TRAK1: variants seen among roughly 807,000 people sequenced by gnomAD.
TRAK1 encodes the protein trafficking kinesin protein 1, also known as trafficking kinesin-binding protein 1.
In TRAK1, 33 loss-of-function variants were observed where a neutral mutation model predicts 92.1. The observed-to-expected ratio is 0.36, with a 90% CI of 0.27 to 0.48. The LOEUF is 0.48. TRAK1 is among the 20% of genes least tolerant of loss of function. The pLI is 0.99. For missense variants in TRAK1, 1,123 were observed against 1,257.9 expected (o/e 0.89, Z 1.62); for synonymous variants, 521 against 517.3 (o/e 1.01, Z -0.10).
intron 14 of TRAK1, among the ~76,000 whole-genome samples, chr3:42,217,053 C>G (rs546625157): frequency 4.2e-4 from 64 of 151,732 alleles, no homozygotes; most frequent in Non-Finnish European, 7.2e-4. Flanking sequence ...CCCAACCCCC[C>G]TATTTCCTGC....
chr3:42,168,918 G>T (rs1655591329), intron 2 of TRAK1, among the ~76,000 whole-genome samples: 1 of 152,190 alleles, frequency 6.6e-6, no homozygotes, highest in African/African-American at 2.4e-5. Context: ...GTGCCTCCCA[G>T]GTTCAAGCGA....
intron 7 of TRAK1, among the ~76,000 whole-genome samples, chr3:42,191,970 C>T (rs1437944898): frequency 3.1e-5 from 4 of 127,394 alleles, no homozygotes; most frequent in East Asian, 2.6e-4. Context: ...GTTGCGATCT[C>T]GGCTCACTGC....
intron 2 of TRAK1, among the ~76,000 whole-genome samples, chr3:42,169,880 T>C (rs1051824231): frequency 6.6e-6 from 1 of 152,172 alleles, no homozygotes; most frequent in Non-Finnish European, 1.5e-5. Context: ...GCAGAAGAGC[T>C]GACACTTGGA....
intron 1 of TRAK1, among the ~76,000 whole-genome samples, chr3:42,081,722 G>C (rs61341025): frequency 0.071 from 10,874 of 152,228 alleles, 449 homozygotes; most frequent in Middle Eastern, 0.17. Context: ...AACCAAGAAA[G>C]GTGCCAGATT....
chr3:42,160,565 TTTTG>T (rs1429756474), intron 2 of TRAK1: 18 of 1,283,218 alleles, frequency 1.4e-5, no homozygotes, highest in African/African-American at 3.0e-5. Flanking sequence ...ACTGTTTTGT[TTTTG>T]TTTTTTTTTA....
chr3:42,084,253 G>T (rs193234154), upstream of TRAK1, among the ~76,000 whole-genome samples: 1 of 151,448 alleles, frequency 6.6e-6, no homozygotes. Flanking sequence ...TTATAGACTC[G>T]GTATCTGCAT....
chr3:42,189,193 A>G (rs1042633033), intron 6 of TRAK1, 69 bp downstream of exon 6: 27 of 1,226,818 alleles, frequency 2.2e-5, no homozygotes, highest in Non-Finnish European at 3.1e-5. Context: ...TCTGGCAAGG[A>G]CAACCATGGT....
rs367676339 is a variant in TRAK1, at chr3:42,149,138, C to T, written c.286+23524C>T. On this transcript the variant is annotated intron_variant, in intron 2 of 15. Transcript: ENST00000327628. The stretch of plus-strand genomic sequence containing the variant: ...AACGGTTAGATTGAAAGATGAGCGG[C>T]GAGCAGGAGACGAGGCTTGAGTGAG... The T allele has an allele frequency of 3.2e-5, 31 of 971,304 alleles. No homozygotes were observed. In the East Asian group the frequency reaches 1.3e-3, roughly 42 times the overall value. The allele number at this position is 971,304 out of a possible 1,614,324, so 60.2% of individuals were successfully genotyped here.
intron 1 of TRAK1, among the ~76,000 whole-genome samples, chr3:42,054,197 G>A (rs1465040034): frequency 6.6e-6 from 1 of 152,190 alleles, no homozygotes; most frequent in African/African-American, 2.4e-5. Flanking sequence ...GGCTCCTTAT[G>A]TGCTAAGTAC....
At chr3:42,094,796 A>G (rs537055764) in intron 1 of TRAK1, among the ~76,000 whole-genome samples, 21 of 152,350 alleles carry the variant, frequency 1.4e-4, no homozygotes, top group African/African-American at 5.0e-4. Context: ...GAATTGTGTT[A>G]CTTGATGGTG....
chr3:42,126,978 A>G (rs1449043930), intron 2 of TRAK1, among the ~76,000 whole-genome samples: 3 of 152,224 alleles, frequency 2.0e-5, no homozygotes, highest in African/African-American at 4.8e-5. Context: ...CAGGGTAGAT[A>G]TGAAGCATGT....
At chr3:42,175,708 C>T (rs1703126135) in intron 2 of TRAK1, among the ~76,000 whole-genome samples, 1 of 152,144 alleles carries the variant, frequency 6.6e-6, no homozygotes, top group Admixed American at 6.5e-5. Flanking sequence ...TATTGAATTC[C>T]AGTTGCTGTT....
At chr3:42,132,004 C>T (rs1045250719) in intron 2 of TRAK1, among the ~76,000 whole-genome samples, 2 of 144,590 alleles carry the variant, frequency 1.4e-5, no homozygotes, top group African/African-American at 2.6e-5. Context: ...AGGAGGTGGA[C>T]GTTGCAGTGA....
At chr3:42,090,554 C>T (rs921501071), upstream of TRAK1, among the ~76,000 whole-genome samples, 10 of 152,172 alleles carry the variant, frequency 6.6e-5, no homozygotes, top group South Asian at 2.1e-4. Flanking sequence ...GGCATGGTGA[C>T]GGACGCCTGT....
At chr3:42,093,267 C>T (rs1036510262) in intron 1 of TRAK1, among the ~76,000 whole-genome samples, 1 of 150,916 alleles carries the variant, frequency 6.6e-6, no homozygotes, top group Non-Finnish European at 1.5e-5. Context: ...TTTGTTTTTG[C>T]AGATGGAATG....
At chr3:42,206,000 T>C (rs992033666) in intron 13 of TRAK1, among the ~76,000 whole-genome samples, 8 of 152,140 alleles carry the variant, frequency 5.3e-5, no homozygotes, top group African/African-American at 1.9e-4. Flanking sequence ...AGGTCTTGAG[T>C]TGGTAATGGG....
intron 1 of TRAK1, among the ~76,000 whole-genome samples, chr3:42,101,530 T>G (rs1706750238): frequency 1.3e-5 from 2 of 152,166 alleles, no homozygotes; most frequent in Non-Finnish European, 2.9e-5. Context: ...GGGAAGGACA[T>G]GACTCTTACG....
chr3:42,014,198 T>A (rs1299106945), intron 1 of TRAK1: 1 of 152,258 alleles, frequency 6.6e-6, no homozygotes, highest in Non-Finnish European at 1.5e-5. Context: ...TCTGGGAGTG[T>A]CCGCGTGAGA....
chr3:42,199,408 A>G (rs555944577), intron 11 of TRAK1, among the ~76,000 whole-genome samples, 155 bp downstream of exon 11: 1 of 152,324 alleles, frequency 6.6e-6, no homozygotes, highest in Admixed American at 6.5e-5. Context: ...AACACAGCTG[A>G]CAGCATCCCT....
Sources: allele counts gnomAD v4.1 joint callset (sites outside exome capture counted in the v4.1 genomes callset), GRCh38; gene constraint gnomAD v4.1.1; transcripts MANE v1.5; gene names NCBI Gene and HGNC (gene_info 2026-07-23, HGNC 2026-07-21).